Variants in CSMD1 observed in about 807,000 individuals in gnomAD.
The protein encoded by CSMD1 is CUB and Sushi multiple domains 1.
Under a neutral mutation model 417.5 loss-of-function variants are expected in CSMD1, and 213 were observed. The observed-to-expected ratio is 0.51, with a 90% CI of 0.46 to 0.57. The LOEUF (loss-of-function observed/expected upper bound fraction) is 0.57. CSMD1 is among the 20% of genes least tolerant of loss of function. CSMD1 has a pLI of 0.00. For missense variants in CSMD1, 6,923 were observed against 4,529.7 expected (o/e 1.53, Z -15.17); for synonymous variants, 2,862 against 1,736.8 (o/e 1.65, Z -16.11).
rs1819187313 is a variant in CSMD1 at position 3,151,420 on chromosome 8, C to T, written c.6008G>A (p.Arg2003Lys). 3 of 1,612,660 alleles carry T rather than the reference C, an allele frequency of 1.9e-6. No homozygotes were observed. The highest frequency in any genetic ancestry group is 2.5e-6 in the Non-Finnish European group (3 of 1,178,904). Residue 2003 changes from arginine to lysine, a missense_variant, in exon 40 of 70, where the codon AGG becomes AAG. Physicochemically the swap from Arg to Lys is conservative, Grantham distance 26 (BLOSUM62 2). Transcript: ENST00000635120. ...ACCATAGCCGATGGGTAATGAGATC[C>T]TCCAGGTGCAGTCTAAGTTGTTGGG... is the stretch of plus-strand genomic sequence containing the variant. ...SYPNNLDCTWRISLPIGYGAH... is the reference protein window; with the variant it reads ...SYPNNLDCTWKISLPIGYGAH...
intron 26 of CSMD1, among the ~76,000 whole-genome samples, chr8:3,244,889 C>G (rs1412431124): frequency 6.6e-6 from 1 of 150,478 alleles, no homozygotes; most frequent in Non-Finnish European, 1.5e-5. Flanking sequence ...GACTCTCAGC[C>G]CAGTCCTCCA....
At chr8:4,363,943 T>C (rs531245361) in intron 3 of CSMD1, among the ~76,000 whole-genome samples, 1 of 152,184 alleles carries the variant, frequency 6.6e-6, no homozygotes, top group Admixed American at 6.5e-5. Flanking sequence ...GGTTAACAAG[T>C]ACAAAAAAGA....
At chr8:3,736,268 G>A (rs933510897) in intron 6 of CSMD1, among the ~76,000 whole-genome samples, 2 of 151,978 alleles carry the variant, frequency 1.3e-5, no homozygotes, top group Admixed American at 6.5e-5. Flanking sequence ...TTTTGACAGG[G>A]TCTCACTGTG....
At chr8:3,192,055 C>T (rs1796456607) in intron 33 of CSMD1, among the ~76,000 whole-genome samples, 1 of 152,130 alleles carries the variant, frequency 6.6e-6, no homozygotes, top group Admixed American at 6.5e-5. Context: ...TGGGTAACTG[C>T]TGCTGGGGAA....
intron 42 of CSMD1, chr8:3,113,129 G>C (rs1398296535): frequency 2.6e-5 from 4 of 152,258 alleles, no homozygotes; most frequent in African/African-American, 4.8e-5. Flanking sequence ...TTTCCCTGAA[G>C]GCGGGGTTCA....
intron 3 of CSMD1, among the ~76,000 whole-genome samples, chr8:4,140,554 G>C (rs571316180): frequency 6.6e-5 from 10 of 150,998 alleles, no homozygotes; most frequent in Non-Finnish European, 1.5e-4. Context: ...TGTAGTCTCA[G>C]CTACTAGGGA....
At chr8:4,838,744 T>C (rs1476903125) in intron 1 of CSMD1, among the ~76,000 whole-genome samples, 2 of 152,124 alleles carry the variant, frequency 1.3e-5, no homozygotes, top group East Asian at 1.9e-4. Flanking sequence ...TCGGCTCAAA[T>C]GAAGACTAAC....
chr8:4,271,355 G>C lies in CSMD1; in HGVS notation c.415+148598C>G, dbSNP rs79939176. Among the ~76,000 whole-genome samples, 57 of 152,204 alleles carry C rather than the reference G, an allele frequency of 3.7e-4. No homozygotes were observed. In the East Asian group the frequency reaches 9.7e-3, roughly 26 times the overall value. ...TAGTAAGAAACACTGGCAGTGCTTGGAAAATGTCAAAATAAATAAATAAAA... is the reference window on the plus strand; with the variant it reads ...TAGTAAGAAACACTGGCAGTGCTTGCAAAATGTCAAAATAAATAAATAAAA... On this transcript the variant is annotated intron_variant, in intron 3 of 69. Coordinates refer to ENST00000635120, the MANE Select transcript of CSMD1 (RefSeq NM_033225.6).
rs565234156 is a variant in CSMD1, at chr8:3,846,250, A to G, written c.819-92208T>C. Reference sequence around the variant, plus strand: ...ATCATCACAGATACGTCCACAATGCACCACGCTATGGCATTATGATCGCTA... The same window carrying G: ...ATCATCACAGATACGTCCACAATGCGCCACGCTATGGCATTATGATCGCTA... On this transcript the variant is annotated intron_variant, in intron 5 of 69. Transcript: ENST00000635120. Among the ~76,000 whole-genome samples, 4 of 152,294 alleles carry G rather than the reference A, an allele frequency of 2.6e-5. No individual in the cohort carries two copies. The East Asian group carries it at 7.7e-4, about 29-fold the overall frequency.
chr8:3,583,912 C>T (rs769961622), intron 9 of CSMD1, among the ~76,000 whole-genome samples: 4 of 151,396 alleles, frequency 2.6e-5, no homozygotes, highest in Admixed American at 6.6e-5. Flanking sequence ...GAGCATTGTC[C>T]CTCTGAAGTG....
At chr8:4,413,389 C>A (rs979586327) in intron 3 of CSMD1, among the ~76,000 whole-genome samples, 2 of 152,144 alleles carry the variant, frequency 1.3e-5, no homozygotes, top group Non-Finnish European at 2.9e-5. Flanking sequence ...ACAGGTAGCA[C>A]ATAAGCCTCG....
At chr8:3,522,657 G>A (rs1049187106) in intron 10 of CSMD1, among the ~76,000 whole-genome samples, 1 of 151,930 alleles carries the variant, frequency 6.6e-6, no homozygotes, top group Admixed American at 6.6e-5. Flanking sequence ...CAGACTTTGT[G>A]ACATGTGAGT....
At chr8:3,207,139 T>C (rs1156467701) in intron 30 of CSMD1, among the ~76,000 whole-genome samples, 3 of 135,816 alleles carry the variant, frequency 2.2e-5, no homozygotes, top group Admixed American at 8.2e-5. Flanking sequence ...TTTCTTTTTT[T>C]TTTTTCATTT....
At chr8:4,043,237 G>C (rs138691302) in intron 3 of CSMD1, among the ~76,000 whole-genome samples, 15 of 152,226 alleles carry the variant, frequency 9.9e-5, no homozygotes, top group Non-Finnish European at 1.5e-4. Flanking sequence ...AAAGACAAAT[G>C]TTACAGCTAT....
intron 20 of CSMD1, among the ~76,000 whole-genome samples, chr8:3,360,499 TC>T (rs1439641945): frequency 6.6e-6 from 1 of 152,206 alleles, no homozygotes; most frequent in Non-Finnish European, 1.5e-5. Flanking sequence ...TCTTGCTGTT[TC>T]CCCAGTCTGT....
rs140182799 is a variant in CSMD1 at position 4,594,441 on chromosome 8, C to A, written c.302+42901G>T. 5.7e-4 allele frequency among the ~76,000 whole-genome samples: 87 copies of A among 152,092 alleles called. No individual in the cohort carries two copies. The East Asian group carries it at 0.015, about 26-fold the overall frequency. On this transcript the variant is annotated intron_variant, in intron 2 of 69. Transcript: ENST00000635120. ...TCTCAAACTCCTGAACTCAAGTAATCCACGCATCTCAGCCTCCCAAAGTGC... is the reference window on the plus strand; with the variant it reads ...TCTCAAACTCCTGAACTCAAGTAATACACGCATCTCAGCCTCCCAAAGTGC...
Position 4,126,481 on chromosome 8 carries a change from C to G in CSMD1, c.416-94382G>C, listed in dbSNP as rs143390685. 6.8e-4 allele frequency among the ~76,000 whole-genome samples: 103 copies of G among 152,302 alleles called. 1 individual carries two copies. In the East Asian group the frequency reaches 0.019, roughly 28 times the overall value. On this transcript the variant is annotated intron_variant, in intron 3 of 69. Transcript: ENST00000635120. ...ATTTCACTTGCTTAACCTGTGCACCCCACCTCCATGGGCACACTGGAAGCA... is the reference window on the plus strand; with the variant it reads ...ATTTCACTTGCTTAACCTGTGCACCGCACCTCCATGGGCACACTGGAAGCA...
intron 1 of CSMD1, among the ~76,000 whole-genome samples, chr8:4,774,484 T>G (rs1202797275): frequency 6.6e-6 from 1 of 151,910 alleles, no homozygotes; most frequent in Non-Finnish European, 1.5e-5. Flanking sequence ...ATGCTTGATA[T>G]TTTTTTACAT....
chr8:4,731,466 C>T (rs557308202), intron 1 of CSMD1, among the ~76,000 whole-genome samples: 2 of 152,316 alleles, frequency 1.3e-5, no homozygotes, highest in East Asian at 1.9e-4. Flanking sequence ...CTTGAAACAA[C>T]TTGCCTTGGA....
Sources: gnomAD v4.1 joint callset for allele counts (sites outside exome capture counted in the v4.1 genomes callset) on GRCh38, gnomAD v4.1.1 for gene constraint, MANE v1.5 for transcripts, NCBI Gene and HGNC (gene_info 2026-07-23, HGNC 2026-07-21) for gene names.